Variants in ADAMTS3 observed in about 807,000 individuals in gnomAD.
The protein encoded by ADAMTS3 is A disintegrin and metalloproteinase with thrombospondin motifs 3.
A neutral mutation model predicts 129.0 loss-of-function variants in ADAMTS3; 73 were observed. That is an observed-to-expected ratio of 0.57 (90% CI 0.47 to 0.69). ADAMTS3 has a LOEUF of 0.69. Ranked by LOEUF, ADAMTS3 falls within the 30% of genes least tolerant of loss-of-function variation. The pLI, the probability that ADAMTS3 is intolerant of heterozygous loss-of-function variation, is 0.00. For synonymous variants in ADAMTS3, 477 were observed against 510.8 expected, an observed-to-expected ratio of 0.93 and a Z score of 0.89; for missense variants, 1,457 against 1,514.5, an observed-to-expected ratio of 0.96 and a Z score of 0.63.
rs1722088820 is a variant in ADAMTS3, at chr4:72,568,814, A to AC, written c.-53_-52insG. On this transcript the variant is annotated 5_prime_UTR_variant, in exon 1 of 22. Coordinates refer to ENST00000286657, the MANE Select transcript of ADAMTS3 (RefSeq NM_014243.3). ...CTGGGCAAAGCAAATGCCCAGAGCA[A>AC]ACCCACCCCCCCCGCCCAAAATAAG... 7.4e-7 allele frequency: 1 copy of AC among 1,354,098 alleles called. No homozygotes were observed. Among genetic ancestry groups the AC allele is most frequent in the Non-Finnish European group, 1.0e-6 (1 of 980,438 alleles). 83.9% of individuals were successfully genotyped at this position (1,354,098 alleles called of 1,614,324 possible). A position where few individuals can be genotyped will look rare whatever the true frequency, so the allele number is the denominator to read the frequency against.
rs186545212 is a variant in ADAMTS3 at position 72,513,303 on chromosome 4, C to T, written c.504+35175G>A. On this transcript the variant is annotated intron_variant, in intron 3 of 21. Coordinates refer to ENST00000286657, the MANE Select transcript of ADAMTS3 (RefSeq NM_014243.3). ...ATCCCTTACACACACTCCTTTCTTC[C>T]CTCTTCATTCACAGCAGTTGGCATA... Among the ~76,000 whole-genome samples the T allele has an allele frequency of 2.4e-3, 366 of 152,250 alleles. 1 individual carries two copies. Among genetic ancestry groups the T allele is most frequent in the African/African-American group, 6.9e-3 (288 of 41,550 alleles).
intron 1 of ADAMTS3, 113 bp from the exon 2 acceptor site, chr4:72,567,514 C>T: frequency 9.4e-7 from 1 of 1,068,214 alleles, no homozygotes; most frequent in Non-Finnish European, 1.4e-6. Context: ...TCAGGAGATG[C>T]TAGAGACTGG....
At chr4:72,422,262 T>C (rs1722465012) in intron 3 of ADAMTS3, among the ~76,000 whole-genome samples, 1 of 152,098 alleles carries the variant, frequency 6.6e-6, no homozygotes, top group Admixed American at 6.5e-5. Flanking sequence ...ATTTTCATCC[T>C]TAATCTCAAT....
At chr4:72,554,352 A>T (rs1168223068) in intron 2 of ADAMTS3, among the ~76,000 whole-genome samples, 1 of 152,138 alleles carries the variant, frequency 6.6e-6, no homozygotes, top group Non-Finnish European at 1.5e-5. Context: ...CTTTACACAT[A>T]TCTGTGTTTT....
At chr4:72,308,361 T>C (rs1047360279) in intron 15 of ADAMTS3, among the ~76,000 whole-genome samples, 3 of 151,908 alleles carry the variant, frequency 2.0e-5, no homozygotes, top group Non-Finnish European at 4.4e-5. Context: ...AGGGGTATAA[T>C]GGGAATAAAA....
At chr4:72,323,648 G>A (rs1232139541) in intron 5 of ADAMTS3, among the ~76,000 whole-genome samples, 19 of 152,228 alleles carry the variant, frequency 1.2e-4, no homozygotes, top group Non-Finnish European at 1.9e-4. Context: ...AGTCCTACAA[G>A]ATAGAAATCC....
chr4:72,553,649 G>A (rs1468631537), intron 2 of ADAMTS3, among the ~76,000 whole-genome samples: 1 of 152,092 alleles, frequency 6.6e-6, no homozygotes, highest in African/African-American at 2.4e-5. Flanking sequence ...GAATTATGTG[G>A]TTGGGAAGTC....
intron 21 of ADAMTS3, among the ~76,000 whole-genome samples, chr4:72,285,769 C>CAA (rs5859311): frequency 3.4e-4 from 32 of 93,666 alleles, no homozygotes; most frequent in African/African-American, 6.2e-4. Context: ...AGCTTACAGG[C>CAA]AAAAAAAAAA....
intron 3 of ADAMTS3, among the ~76,000 whole-genome samples, chr4:72,424,126 T>G (rs1359839396): frequency 6.6e-6 from 1 of 152,148 alleles, no homozygotes; most frequent in Admixed American, 6.6e-5. Context: ...ATGCCAAATT[T>G]ACATTTGAGT....
At chr4:72,560,080 G>C (rs1275782904) in intron 2 of ADAMTS3, among the ~76,000 whole-genome samples, 2 of 151,510 alleles carry the variant, frequency 1.3e-5, no homozygotes, top group Non-Finnish European at 2.9e-5. Flanking sequence ...AAGCAATAGA[G>C]GAAGGATTCC....
intron 4 of ADAMTS3, among the ~76,000 whole-genome samples, chr4:72,341,713 T>C (rs1483135630): frequency 6.6e-6 from 1 of 152,200 alleles, no homozygotes; most frequent in African/African-American, 2.4e-5. Context: ...GAGAGGCAGT[T>C]CATTCTGCTT....
At position 72,281,751 on chromosome 4, in the gene ADAMTS3, T is replaced by G. The variant is rs561011235; in HGVS notation, c.*1385A>C. On this transcript the variant is annotated 3_prime_UTR_variant, in exon 22 of 22. Coordinates refer to ENST00000286657, the MANE Select transcript of ADAMTS3 (RefSeq NM_014243.3). ...AAGCATGCATCTCTAATTATGTCTCTCTAGTTTACCAAAATATGTAATTGA... is the reference window on the plus strand; with the variant it reads ...AAGCATGCATCTCTAATTATGTCTCGCTAGTTTACCAAAATATGTAATTGA... 1.3e-5 allele frequency: 2 copies of G among 152,164 alleles called. No homozygotes were observed. The highest frequency in any genetic ancestry group is 1.3e-4 in the Admixed American group (2 of 15,284). 9.4% of individuals were successfully genotyped at this position (152,164 alleles called of 1,614,324 possible).
intron 14 of ADAMTS3, among the ~76,000 whole-genome samples, chr4:72,310,522 C>A (rs1719203733): frequency 6.6e-6 from 1 of 151,986 alleles, no homozygotes; most frequent in Admixed American, 6.6e-5. Flanking sequence ...TAACTATGAA[C>A]ACAAGAAATA....
At chr4:72,560,040 C>T (rs1387991426) in intron 2 of ADAMTS3, among the ~76,000 whole-genome samples, 3 of 151,506 alleles carry the variant, frequency 2.0e-5, no homozygotes, top group African/African-American at 7.3e-5. Context: ...AATAACACTG[C>T]ACATCTACAA....
intron 4 of ADAMTS3, among the ~76,000 whole-genome samples, chr4:72,407,783 G>A (rs1722085348): frequency 6.6e-6 from 1 of 152,094 alleles, no homozygotes; most frequent in Admixed American, 6.6e-5. Flanking sequence ...AGTTCTGAAA[G>A]ATGAAAAAAC....
intron 4 of ADAMTS3, among the ~76,000 whole-genome samples, chr4:72,391,229 G>T (rs1721586265): frequency 6.6e-6 from 1 of 152,124 alleles, no homozygotes; most frequent in African/African-American, 2.4e-5. Context: ...TGTGTATATT[G>T]TATATTACGT....
chr4:72,289,226 C>A (rs1718596286), intron 20 of ADAMTS3, among the ~76,000 whole-genome samples: 1 of 152,074 alleles, frequency 6.6e-6, no homozygotes, highest in Admixed American at 6.6e-5. Flanking sequence ...ACCTAGTAAG[C>A]ATATCATATG....
At chr4:72,568,628 G>T in intron 1 of ADAMTS3, 66 bp downstream of exon 1, 1 of 1,243,128 alleles carries the variant, frequency 8.0e-7, no homozygotes, top group Non-Finnish European at 1.2e-6. Context: ...AGGGTAGAGA[G>T]GGGAGGAACT....
At chr4:72,343,530 C>T (rs1266059136) in intron 4 of ADAMTS3, among the ~76,000 whole-genome samples, 2 of 152,072 alleles carry the variant, frequency 1.3e-5, no homozygotes, top group African/African-American at 2.4e-5. Flanking sequence ...TCAGCAGCAC[C>T]CATTAAGGAA....
Sources: gnomAD v4.1 joint callset for allele counts (sites outside exome capture counted in the v4.1 genomes callset) on GRCh38, gnomAD v4.1.1 for gene constraint, MANE v1.5 for transcripts, NCBI Gene and HGNC (gene_info 2026-07-23, HGNC 2026-07-21) for gene names.